Variants in XYLT1 observed in about 807,000 individuals in gnomAD.
The protein encoded by XYLT1 is beta-D-xylosyltransferase 1.
In XYLT1, 36 loss-of-function variants were observed where a neutral mutation model predicts 91.3. The observed-to-expected ratio is 0.39, with a 90% CI of 0.30 to 0.52. XYLT1 has a LOEUF of 0.52. Ranked by LOEUF, XYLT1 falls within the 20% of genes least tolerant of loss-of-function variation. The probability of loss-of-function intolerance (pLI) is 0.68; values close to 1 mark genes in which losing one functional copy is unlikely to be tolerated. For missense variants in XYLT1, 1,242 were observed against 1,284.5 expected (o/e 0.97, Z 0.51); for synonymous variants, 588 against 532.0 (o/e 1.11, Z -1.45).
chr16:17,203,184 A>T (rs1485566965), intron 3 of XYLT1, among the ~76,000 whole-genome samples: 2 of 152,150 alleles, frequency 1.3e-5, no homozygotes, highest in African/African-American at 4.8e-5. Flanking sequence ...GTTTATAACA[A>T]TTGCTTTTAG....
chr16:17,465,143 CAAAAAAAAAAA>C lies in XYLT1; in HGVS notation c.363+5280_363+5290del, dbSNP rs35623153. Among the ~76,000 whole-genome samples, 13 of 35,884 alleles carry C rather than the reference CAAAAAAAAAAA, an allele frequency of 3.6e-4. 1 individual carries two copies. The East Asian group carries it at 4.8e-3, about 13-fold the overall frequency. The allele number at this position is 35,884 out of a possible 152,430, so 23.5% of individuals were successfully genotyped here. ...TGGGTGACAGAGCAAGATGCTGTCT[CAAAAAAAAAAA>C]AAAAAAAAAAAAAAAAAGATTTTTG... is the stretch of plus-strand genomic sequence containing the variant. On this transcript the variant is annotated intron_variant, in intron 1 of 11. Coordinates refer to ENST00000261381, the MANE Select transcript of XYLT1 (RefSeq NM_022166.4).
intron 1 of XYLT1, among the ~76,000 whole-genome samples, chr16:17,377,885 C>T (rs2035623339): frequency 6.6e-6 from 1 of 152,152 alleles, no homozygotes; most frequent in African/African-American, 2.4e-5. Flanking sequence ...CCCTGAGTTT[C>T]AGCCTCAAAG....
intron 11 of XYLT1, among the ~76,000 whole-genome samples, chr16:17,111,961 C>T (rs11646184): frequency 0.19 from 28,493 of 152,110 alleles, 3,114 homozygotes; most frequent in South Asian, 0.27. Flanking sequence ...GTCTTTGGTG[C>T]GGGCCCTAAT....
chr16:17,386,101 C>A (rs948961176), intron 1 of XYLT1, among the ~76,000 whole-genome samples: 6 of 152,158 alleles, frequency 3.9e-5, no homozygotes, highest in Non-Finnish European at 8.8e-5. Flanking sequence ...TAAATAAATA[C>A]ATGACAATTA....
At chr16:17,414,828 G>A (rs992373827) in intron 1 of XYLT1, among the ~76,000 whole-genome samples, 16 of 152,038 alleles carry the variant, frequency 1.1e-4, no homozygotes, top group African/African-American at 3.1e-4. Flanking sequence ...GTTATGGAAC[G>A]GGGACCAGGA....
chr16:17,402,509 A>C (rs576137972), intron 1 of XYLT1, among the ~76,000 whole-genome samples: 25 of 152,222 alleles, frequency 1.6e-4, no homozygotes, highest in African/African-American at 5.8e-4. Flanking sequence ...GAAAATACAA[A>C]ATAAACTGCT....
chr16:17,400,758 C>T (rs1351888856), intron 1 of XYLT1, among the ~76,000 whole-genome samples: 1 of 151,936 alleles, frequency 6.6e-6, no homozygotes, highest in Non-Finnish European at 1.5e-5. Flanking sequence ...TAATGAAAGC[C>T]ACGAGTGAAA....
intron 2 of XYLT1, among the ~76,000 whole-genome samples, chr16:17,326,955 G>A (rs1326997569): frequency 6.6e-6 from 1 of 152,224 alleles, no homozygotes; most frequent in Non-Finnish European, 1.5e-5. Flanking sequence ...ATGGAGCTGT[G>A]TGTGACTGCA....
At chr16:17,337,902 G>A (rs1435053551) in intron 2 of XYLT1, among the ~76,000 whole-genome samples, 2 of 149,944 alleles carry the variant, frequency 1.3e-5, no homozygotes, top group Non-Finnish European at 3.0e-5. Context: ...TCAGCCTCCC[G>A]AGTAGCTGTG....
At chr16:17,115,312 T>TA (rs869095502) in intron 11 of XYLT1, among the ~76,000 whole-genome samples, 1,640 of 48,804 alleles carry the variant, frequency 0.034, 93 homozygotes, top group African/African-American at 0.093. Context: ...CAAAAATAGT[T>TA]AAAAAAAAAA....
chr16:17,198,256 G>C lies in XYLT1; in HGVS notation c.1245C>G (p.Pro415=). Residue 415 remains proline, a synonymous_variant, in exon 5 of 12, where the codon CCC becomes CCG. Coordinates refer to ENST00000261381, the MANE Select transcript of XYLT1 (RefSeq NM_022166.4). The stretch of plus-strand genomic sequence containing the variant: ...CACTCAGGTTGATGAAGAAGTCCCA[G>C]GGCCAGTCGGTCATCTCCAGGAGGT... The part of the protein sequence containing the change: ...MRDLLEMTDW[P]WDFFINLSAA... 4 of 1,614,196 alleles carry C rather than the reference G, an allele frequency of 2.5e-6. No individual in the cohort carries two copies. The South Asian group carries it at 4.4e-5, about 18-fold the overall frequency.
chr16:17,273,274 T>G (rs968894474), intron 2 of XYLT1, among the ~76,000 whole-genome samples: 2 of 152,206 alleles, frequency 1.3e-5, no homozygotes, highest in Non-Finnish European at 2.9e-5. Flanking sequence ...AATTACATCA[T>G]CAAAGGCCAC....
intron 3 of XYLT1, among the ~76,000 whole-genome samples, chr16:17,215,388 C>G (rs1011487439): frequency 6.6e-6 from 1 of 151,994 alleles, no homozygotes; most frequent in African/African-American, 2.4e-5. Flanking sequence ...AGGGTGGAGC[C>G]TTGAATTTAG....
rs546395615 is a variant in XYLT1 at position 17,228,476 on chromosome 16, G to A, written c.914-27822C>T. Among the ~76,000 whole-genome samples the A allele has an allele frequency of 4.5e-4, 68 of 152,302 alleles. No individual in the cohort carries two copies. The South Asian group carries it at 0.012, about 27-fold the overall frequency. The stretch of plus-strand genomic sequence containing the variant: ...GGTGCATACAAAATGGGCACAGAAC[G>A]GTGATGGGGTTGGGGGCTGAGGGGA... On this transcript the variant is annotated intron_variant, in intron 3 of 11. Transcript: ENST00000261381.
At chr16:17,122,745 C>T (rs1369599727) in intron 10 of XYLT1, among the ~76,000 whole-genome samples, 1 of 152,118 alleles carries the variant, frequency 6.6e-6, no homozygotes, top group South Asian at 2.1e-4. Context: ...TTGATCCATC[C>T]TCAGTTGATT....
intron 5 of XYLT1, among the ~76,000 whole-genome samples, chr16:17,174,596 C>T (rs111264290): frequency 0.044 from 6,709 of 151,892 alleles, 204 homozygotes; most frequent in Non-Finnish European, 0.045. Flanking sequence ...GAAAGCAGAC[C>T]GGGGGTTGCC....
At chr16:17,342,193 C>A in intron 2 of XYLT1, among the ~76,000 whole-genome samples, 1 of 152,248 alleles carries the variant, frequency 6.6e-6, no homozygotes, top group Non-Finnish European at 1.5e-5. Flanking sequence ...CTGCTGGCAA[C>A]CAACACACCA....
chr16:17,150,396 A>G (rs2031254272), intron 6 of XYLT1, among the ~76,000 whole-genome samples: 1 of 152,176 alleles, frequency 6.6e-6, no homozygotes, highest in Non-Finnish European at 1.5e-5. Flanking sequence ...GCTCTGCTCT[A>G]TGCACTGAGA....
chr16:17,411,124 C>T (rs1348423489), intron 1 of XYLT1, among the ~76,000 whole-genome samples: 1 of 152,218 alleles, frequency 6.6e-6, no homozygotes, highest in African/African-American at 2.4e-5. Context: ...GCAAATTATT[C>T]AACTCCCATC....
Sources: gnomAD v4.1 joint callset for allele counts (sites outside exome capture counted in the v4.1 genomes callset) on GRCh38, gnomAD v4.1.1 for gene constraint, MANE v1.5 for transcripts, NCBI Gene and HGNC (gene_info 2026-07-23, HGNC 2026-07-21) for gene names.